Variants in ITGA8 observed in about 807,000 individuals in gnomAD.
The protein encoded by ITGA8 is integrin alpha-8.
ITGA8 carries 91 observed loss-of-function variants against 142.3 expected under a neutral mutation model. The observed-to-expected ratio is 0.64, with a 90% CI of 0.54 to 0.76. The LOEUF (loss-of-function observed/expected upper bound fraction) is 0.76. ITGA8 is among the 30% of genes least tolerant of loss of function. The pLI is 0.00. For missense variants in ITGA8, 1,406 were observed against 1,327.7 expected (o/e 1.06, Z -0.92); for synonymous variants, 505 against 485.2 (o/e 1.04, Z -0.54).
intron 27 of ITGA8, among the ~76,000 whole-genome samples, chr10:15,541,448 A>C (rs1833567680): frequency 6.6e-6 from 1 of 152,210 alleles, no homozygotes; most frequent in Non-Finnish European, 1.5e-5. Flanking sequence ...CAAAGGTATC[A>C]CAAGTTTTTA....
chr10:15,688,111 A>G, intron 2 of ITGA8, 73 bp from the exon 3 acceptor site: 1 of 1,017,744 alleles, frequency 9.8e-7, no homozygotes, highest in Non-Finnish European at 1.6e-6. Flanking sequence ...ATAAATTTGT[A>G]CATTAAAAAT....
intron 13 of ITGA8, among the ~76,000 whole-genome samples, chr10:15,623,489 C>G (rs1208664142): frequency 6.6e-6 from 1 of 152,128 alleles, no homozygotes; most frequent in Admixed American, 6.5e-5. Context: ...AGTTCAAGAC[C>G]TGCCTGACCA....
intron 10 of ITGA8, among the ~76,000 whole-genome samples, chr10:15,657,844 A>G (rs1031657168): frequency 4.6e-5 from 7 of 152,216 alleles, no homozygotes; most frequent in Non-Finnish European, 2.9e-5. Context: ...CATATAAGTT[A>G]CAAACACAAG....
At chr10:15,536,547 T>G (rs181519395) in intron 27 of ITGA8, among the ~76,000 whole-genome samples, 69 of 152,320 alleles carry the variant, frequency 4.5e-4, no homozygotes, top group African/African-American at 1.6e-3. Flanking sequence ...ATTATTCTTA[T>G]GTTCAATATA....
intron 7 of ITGA8, 78 bp downstream of exon 7, chr10:15,672,546 T>A: frequency 6.8e-7 from 1 of 1,478,126 alleles, no homozygotes. Context: ...ATCGGATAAG[T>A]CAGGGATAAA....
chr10:15,609,344 T>C (rs1833251489), intron 15 of ITGA8, among the ~76,000 whole-genome samples: 2 of 152,224 alleles, frequency 1.3e-5, no homozygotes, highest in Admixed American at 1.3e-4. Flanking sequence ...TAAAATACTA[T>C]AGTATGATGT....
chr10:15,558,056 C>T lies in ITGA8; in HGVS notation c.2766+18G>A. The stretch of plus-strand genomic sequence containing the variant: ...GCCACTCATTTCCCTCAGTTCTATG[C>T]ACACTGGGATAACTCACCAGTATTT... On this transcript the variant is annotated intron_variant, in intron 26 of 29. Transcript: ENST00000378076. The T allele has an allele frequency of 6.2e-7, 1 of 1,613,348 alleles. No homozygotes were observed. The highest frequency in any genetic ancestry group is 1.8e-4 in the Middle Eastern group (1 of 5,582).
rs943482626 is a variant in ITGA8 at position 15,519,510 on chromosome 10, G to A, written c.2983-98C>T. ...ACAACATCGGAAGTTGATCTGAAAGGATCCATATGACAATTGAAATCATCT... is the reference window on the plus strand; with the variant it reads ...ACAACATCGGAAGTTGATCTGAAAGAATCCATATGACAATTGAAATCATCT... On this transcript the variant is annotated intron_variant, in intron 28 of 29. Transcript: ENST00000378076. 2.3e-6 allele frequency: 3 copies of A among 1,277,286 alleles called. No homozygotes were observed. In the East Asian group the frequency reaches 7.0e-5, roughly 30 times the overall value. 79.1% of individuals were successfully genotyped at this position (1,277,286 alleles called of 1,614,324 possible). A position where few individuals can be genotyped will look rare whatever the true frequency, so the allele number is the denominator to read the frequency against.
intron 2 of ITGA8, among the ~76,000 whole-genome samples, chr10:15,710,480 C>T (rs1369869749): frequency 1.3e-5 from 2 of 152,118 alleles, no homozygotes; most frequent in African/African-American, 4.8e-5. Context: ...AACATGTATC[C>T]TGGTGGGAAC....
intron 11 of ITGA8, among the ~76,000 whole-genome samples, chr10:15,647,449 GT>G (rs71505078): frequency 0.15 from 13,975 of 91,338 alleles, 208 homozygotes; most frequent in Admixed American, 0.22. Flanking sequence ...AAATTATTCA[GT>G]TTTTTTTTTT....
At chr10:15,666,732 T>C (rs1180350587) in intron 8 of ITGA8, among the ~76,000 whole-genome samples, 2 of 152,152 alleles carry the variant, frequency 1.3e-5, no homozygotes, top group Admixed American at 6.6e-5. Flanking sequence ...GCATGAAGCG[T>C]TGTTGAATTT....
intron 10 of ITGA8, among the ~76,000 whole-genome samples, chr10:15,658,266 T>C (rs1472340292): frequency 6.6e-6 from 1 of 152,252 alleles, no homozygotes; most frequent in Non-Finnish European, 1.5e-5. Context: ...ATCTGTCAGC[T>C]GCAGAAGTCC....
chr10:15,530,540 T>TTAAA (rs1833267140), intron 28 of ITGA8, among the ~76,000 whole-genome samples: 3 of 1,724 alleles, frequency 1.7e-3, no homozygotes, highest in South Asian at 0.022. Flanking sequence ...AGCGAGACTC[T>TTAAA]CAAAAAAAAA....
At chr10:15,601,034 G>A (rs754811845) in intron 20 of ITGA8, among the ~76,000 whole-genome samples, 2 of 152,134 alleles carry the variant, frequency 1.3e-5, no homozygotes, top group Admixed American at 6.5e-5. Context: ...GAGGTCAGGA[G>A]TTCAAGACCA....
intron 13 of ITGA8, among the ~76,000 whole-genome samples, chr10:15,632,567 A>T (rs2131635199): frequency 6.6e-6 from 1 of 152,262 alleles, no homozygotes; most frequent in East Asian, 1.9e-4. Flanking sequence ...AGATTAGTGT[A>T]TTTGTAAGTG....
Position 15,672,754 on chromosome 10 carries a change from G to A in ITGA8, c.677-5C>T. 2 of 1,597,344 alleles carry A rather than the reference G, an allele frequency of 1.3e-6. No homozygotes were observed. Among genetic ancestry groups the A allele is most frequent in the Non-Finnish European group, 1.7e-6 (2 of 1,172,936 alleles). ...CACTGGCAGTGATCACTTGTCCTGT[G>A]TTTAAACAAATTAATACGTTAACTG... is the stretch of plus-strand genomic sequence containing the variant. On this transcript the variant is annotated splice_region_variant and splice_polypyrimidine_tract_variant and intron_variant, in intron 6 of 29. Coordinates refer to ENST00000378076, the MANE Select transcript of ITGA8 (RefSeq NM_003638.3).
At chr10:15,592,732 GTA>G (rs1832947702) in intron 21 of ITGA8, among the ~76,000 whole-genome samples, 1 of 152,148 alleles carries the variant, frequency 6.6e-6, no homozygotes, top group African/African-American at 2.4e-5. Flanking sequence ...AGCCTCCCAA[GTA>G]GCAAGGGTCA....
At chr10:15,701,447 GC>G (rs910724229) in intron 2 of ITGA8, among the ~76,000 whole-genome samples, 1 of 152,012 alleles carries the variant, frequency 6.6e-6, no homozygotes, top group Non-Finnish European at 1.5e-5. Flanking sequence ...TCCATTTCTG[GC>G]CTTTGAAGCT....
intron 8 of ITGA8, among the ~76,000 whole-genome samples, chr10:15,668,158 C>G (rs1232117148): frequency 6.6e-6 from 1 of 152,088 alleles, no homozygotes; most frequent in Non-Finnish European, 1.5e-5. Context: ...GAGTCTAAGT[C>G]TCTTTGTAGG....
Sources: allele counts gnomAD v4.1 joint callset (sites outside exome capture counted in the v4.1 genomes callset), GRCh38; gene constraint gnomAD v4.1.1; transcripts MANE v1.5; gene names NCBI Gene and HGNC (gene_info 2026-07-23, HGNC 2026-07-21).